The following TYW1B variants were observed in gnomAD, a reference collection of about 807,000 sequenced individuals.
TYW1B encodes S-adenosyl-L-methionine-dependent tRNA 4-demethylwyosine synthase TYW1B.
Under a neutral mutation model 86.9 loss-of-function variants are expected in TYW1B, and 73 were observed. The ratio of observed to expected loss-of-function variants is 0.84; its 90% CI spans 0.70 to 1.02. The LOEUF is 1.02. Ranked by LOEUF, TYW1B falls within the 50% of genes least tolerant of loss-of-function variation. The probability of loss-of-function intolerance (pLI) is 0.00; values close to 1 mark genes in which losing one functional copy is unlikely to be tolerated. For missense variants in TYW1B, 637 were observed against 827.4 expected (o/e 0.77, Z 2.82); for synonymous variants, 248 against 292.8 (o/e 0.85, Z 1.56).
intron 13 of TYW1B, among the ~76,000 whole-genome samples, chr7:72,591,256 AGAC>A (rs1459565999): frequency 5.3e-5 from 8 of 152,158 alleles, no homozygotes; most frequent in African/African-American, 1.9e-4. Flanking sequence ...GAGAGACAGA[AGAC>A]GACAGAGAGA....
chr7:72,771,469 A>G (rs1787867320), intron 7 of TYW1B, among the ~76,000 whole-genome samples: 1 of 152,222 alleles, frequency 6.6e-6, no homozygotes, highest in Non-Finnish European at 1.5e-5. Flanking sequence ...AATCATTTAA[A>G]AATCTGTGCA....
intron 11 of TYW1B, among the ~76,000 whole-genome samples, chr7:72,662,323 G>A (rs1157177693): frequency 2.0e-5 from 3 of 152,150 alleles, no homozygotes; most frequent in Non-Finnish European, 4.4e-5. Flanking sequence ...TGTTCCTTCA[G>A]CCACTGGACC....
intron 12 of TYW1B, among the ~76,000 whole-genome samples, chr7:72,626,304 A>G (rs1337192351): frequency 6.6e-6 from 1 of 150,594 alleles, no homozygotes; most frequent in Admixed American, 6.7e-5. Context: ...GACAGGGTTC[A>G]GTTTCAAAGC....
intron 11 of TYW1B, among the ~76,000 whole-genome samples, chr7:72,678,736 T>G (rs782048090): frequency 6.7e-6 from 1 of 148,714 alleles, no homozygotes; most frequent in East Asian, 2.0e-4. Context: ...GAGACGGGGT[T>G]TCACCATGTT....
At chr7:72,714,480 G>A (rs1786740335) in intron 9 of TYW1B, among the ~76,000 whole-genome samples, 1 of 151,724 alleles carries the variant, frequency 6.6e-6, no homozygotes, top group Non-Finnish European at 1.5e-5. Context: ...AAAAATAGCT[G>A]GGCATGGTGG....
chr7:72,578,270 C>T (rs574348058), intron 13 of TYW1B, among the ~76,000 whole-genome samples: 9 of 152,144 alleles, frequency 5.9e-5, no homozygotes, highest in African/African-American at 2.2e-4. Flanking sequence ...ACCACCACCA[C>T]GCCTGGCTAA....
At position 72,619,579 on chromosome 7, in the gene TYW1B, T is replaced by G. The variant is rs1417308785; in HGVS notation, c.1618-2740A>C. On this transcript the variant is annotated intron_variant, in intron 12 of 13. Coordinates refer to ENST00000620995, the MANE Select transcript of TYW1B (RefSeq NM_001145440.3). ...TGGCGTGAACCCGGGAAGCGGAGCT[T>G]GCAGTGAGCCGAGATTGCGCCACTG... is the stretch of plus-strand genomic sequence containing the variant. Among the ~76,000 whole-genome samples the G allele has an allele frequency of 8.2e-5, 12 of 146,384 alleles. No homozygotes were observed. The East Asian group carries it at 2.5e-3, about 30-fold the overall frequency.
intron 5 of TYW1B, among the ~76,000 whole-genome samples, chr7:72,805,613 C>CA (rs71517372): frequency 0.1 from 13,020 of 125,844 alleles, 952 homozygotes; most frequent in East Asian, 0.34. Flanking sequence ...GACCCTTTCT[C>CA]AAAAAAAAAA....
At chr7:72,647,705 G>C (rs1331218868) in intron 11 of TYW1B, among the ~76,000 whole-genome samples, 56 of 143,996 alleles carry the variant, frequency 3.9e-4, no homozygotes, top group Middle Eastern at 7.1e-3. Flanking sequence ...TTTTTTTTTT[G>C]AGACAGTTTT....
chr7:72,688,590 G>T (rs3015931), intron 11 of TYW1B, among the ~76,000 whole-genome samples: 8,527 of 152,230 alleles, frequency 0.056, 557 homozygotes, highest in East Asian at 0.33. Context: ...CACGTTGAAA[G>T]CTTCAACACT....
chr7:72,794,718 A>C (rs1788277525), intron 6 of TYW1B, among the ~76,000 whole-genome samples: 1 of 152,162 alleles, frequency 6.6e-6, no homozygotes, highest in Non-Finnish European at 1.5e-5. Context: ...GAAGCCATGA[A>C]AACATTCCCT....
At chr7:72,790,184 GA>G (rs1788196667) in intron 6 of TYW1B, among the ~76,000 whole-genome samples, 1 of 151,688 alleles carries the variant, frequency 6.6e-6, no homozygotes. Context: ...GACCTCAGGT[GA>G]TCCACCTGCC....
intron 8 of TYW1B, among the ~76,000 whole-genome samples, chr7:72,736,267 T>C (rs1329470634): frequency 7.2e-5 from 11 of 152,284 alleles, no homozygotes; most frequent in Middle Eastern, 6.8e-3. Flanking sequence ...ACTTGTGGAA[T>C]GCTCAGAAAG....
At chr7:72,823,244 A>C (rs554042074) in intron 2 of TYW1B, 2 of 151,948 alleles carry the variant, frequency 1.3e-5, no homozygotes, top group Admixed American at 1.3e-4. Context: ...CCTGGCCTCA[A>C]GTGGTCTGCC....
At chr7:72,715,541 G>C (rs1324196588) in intron 9 of TYW1B, among the ~76,000 whole-genome samples, 1 of 151,970 alleles carries the variant, frequency 6.6e-6, no homozygotes, top group Non-Finnish European at 1.5e-5. Flanking sequence ...TGTATCCTAA[G>C]AACACATGAA....
At chr7:72,827,630 T>C (rs1788960321) in intron 1 of TYW1B, among the ~76,000 whole-genome samples, 1 of 152,168 alleles carries the variant, frequency 6.6e-6, no homozygotes, top group African/African-American at 2.4e-5. Context: ...AAAAAAAGCT[T>C]AAGTAGTAAA....
At chr7:72,623,959 A>C (rs13246370) in intron 12 of TYW1B, among the ~76,000 whole-genome samples, 5 of 151,772 alleles carry the variant, frequency 3.3e-5, no homozygotes, top group African/African-American at 1.2e-4. Context: ...CTGCCACCAC[A>C]CCCAGCTAAT....
At chr7:72,766,400 G>A (rs1787770131) in intron 7 of TYW1B, among the ~76,000 whole-genome samples, 1 of 152,038 alleles carries the variant, frequency 6.6e-6, no homozygotes, top group South Asian at 2.1e-4. Flanking sequence ...GATCACTTGA[G>A]GTCAGGAGTT....
chr7:72,609,162 C>G (rs1554435449), intron 13 of TYW1B, among the ~76,000 whole-genome samples: 1 of 152,144 alleles, frequency 6.6e-6, no homozygotes, highest in African/African-American at 2.4e-5. Flanking sequence ...ACTTGGTATT[C>G]AGTTTTCTTT....
Sources: allele counts gnomAD v4.1 joint callset (sites outside exome capture counted in the v4.1 genomes callset), GRCh38; gene constraint gnomAD v4.1.1; transcripts MANE v1.5; gene names NCBI Gene and HGNC (gene_info 2026-07-23, HGNC 2026-07-21).